CCDC141: variants seen among roughly 807,000 people sequenced by gnomAD.
The protein encoded by CCDC141 is coiled-coil domain-containing protein 141.
A neutral mutation model predicts 181.0 loss-of-function variants in CCDC141; 168 were observed. The observed-to-expected ratio is 0.93, with a 90% CI of 0.82 to 1.05. The LOEUF (loss-of-function observed/expected upper bound fraction) is 1.05, where lower values mean the gene tolerates loss of function less well. CCDC141 is among the 50% of genes least tolerant of loss of function. The probability of loss-of-function intolerance (pLI) is 0.00; values close to 1 mark genes in which losing one functional copy is unlikely to be tolerated. For missense variants in CCDC141, 1,902 were observed against 1,788.5 expected (o/e 1.06, Z -1.14); for synonymous variants, 666 against 642.3 (o/e 1.04, Z -0.56).
chr2:179,047,239 TA>T, intron 2 of CCDC141, 44 bp downstream of exon 2: 1 of 1,474,124 alleles, frequency 6.8e-7, no homozygotes, highest in South Asian at 1.4e-5. Context: ...AATAGTTTTT[TA>T]TGTCTCTTTA....
In CCDC141 at chr2:178,937,119, A is replaced by T. The variant is rs116974035; in HGVS notation, c.897+7416T>A. ...CCTGATTGTGCTGGCTAGGATTTCC[A>T]ATACTATGTTGAATAAGAGTGGTGA... On this transcript the variant is annotated intron_variant, in intron 6 of 23. Coordinates refer to ENST00000443758, the MANE Select transcript of CCDC141 (RefSeq NM_173648.4). Among the ~76,000 whole-genome samples, 284 of 152,252 alleles carry T rather than the reference A, an allele frequency of 1.9e-3. 8 individuals carry two copies. The East Asian group carries it at 0.045, about 24-fold the overall frequency.
At chr2:178,988,908 A>G (rs1038226501) in intron 2 of CCDC141, among the ~76,000 whole-genome samples, 21 of 152,174 alleles carry the variant, frequency 1.4e-4, no homozygotes, top group African/African-American at 5.1e-4. Flanking sequence ...TTAGGAAAGA[A>G]TAGTCTCAAA....
At chr2:179,026,806 C>T (rs2154386376) in intron 2 of CCDC141, among the ~76,000 whole-genome samples, 1 of 152,350 alleles carries the variant, frequency 6.6e-6, no homozygotes, top group East Asian at 1.9e-4. Flanking sequence ...TGGGAACCCA[C>T]CTTTTGCATC....
chr2:178,879,944 C>T (rs757757403), intron 11 of CCDC141, among the ~76,000 whole-genome samples: 5 of 148,608 alleles, frequency 3.4e-5, no homozygotes, highest in Non-Finnish European at 6.0e-5. Context: ...GAGGGATATT[C>T]GTGCTGGGAT....
chr2:178,919,011 G>A (rs1424041956), intron 6 of CCDC141, 104 bp from the exon 7 acceptor site: 3 of 1,052,604 alleles, frequency 2.9e-6, no homozygotes, highest in Admixed American at 5.2e-5. Flanking sequence ...CCAAGGTGAT[G>A]ATATTAGGAA....
chr2:178,963,063 G>C (rs1018537138), intron 4 of CCDC141, among the ~76,000 whole-genome samples: 2 of 152,202 alleles, frequency 1.3e-5, no homozygotes, highest in Non-Finnish European at 2.9e-5. Context: ...ACTGCACCCA[G>C]CACTTAGCAC....
intron 2 of CCDC141, among the ~76,000 whole-genome samples, chr2:179,033,020 T>G (rs1319363755): frequency 6.8e-6 from 1 of 147,518 alleles, no homozygotes; most frequent in Non-Finnish European, 1.5e-5. Flanking sequence ...ATATATAATA[T>G]TATATATATT....
chr2:178,935,997 G>A (rs911581353), intron 6 of CCDC141, among the ~76,000 whole-genome samples: 1 of 151,678 alleles, frequency 6.6e-6, no homozygotes, highest in African/African-American at 2.4e-5. Flanking sequence ...TGGCTATTAG[G>A]CCTTTGTCAG....
chr2:179,045,249 G>C (rs2043455389), intron 2 of CCDC141, among the ~76,000 whole-genome samples: 1 of 145,102 alleles, frequency 6.9e-6, no homozygotes, highest in African/African-American at 2.6e-5. Flanking sequence ...ACCTATGAGT[G>C]AGAATATGTG....
At chr2:178,879,538 T>TA (rs1265891361) in intron 11 of CCDC141, among the ~76,000 whole-genome samples, 6 of 152,300 alleles carry the variant, frequency 3.9e-5, no homozygotes, top group Non-Finnish European at 7.3e-5. Flanking sequence ...CATGAGCAGT[T>TA]AAAATGCTAC....
intron 1 of CCDC141, among the ~76,000 whole-genome samples, chr2:179,048,852 C>A (rs548645016): frequency 1.8e-4 from 27 of 152,220 alleles, no homozygotes; most frequent in African/African-American, 6.5e-4. Flanking sequence ...TGCTCTTTTC[C>A]TGGTATGAAT....
chr2:179,036,841 A>G (rs2043158763), intron 2 of CCDC141, among the ~76,000 whole-genome samples: 1 of 152,228 alleles, frequency 6.6e-6, no homozygotes, highest in Non-Finnish European at 1.5e-5. Flanking sequence ...TACGTGTTTG[A>G]ATTTGGAAGG....
chr2:178,956,424 G>T (rs1321410777), intron 5 of CCDC141, among the ~76,000 whole-genome samples: 1 of 152,154 alleles, frequency 6.6e-6, no homozygotes, highest in Non-Finnish European at 1.5e-5. Context: ...AGCCTCCCAA[G>T]TATCTGGGAC....
chr2:178,912,827 T>C (rs77653536), intron 7 of CCDC141, among the ~76,000 whole-genome samples: 1,718 of 152,260 alleles, frequency 0.011, 38 homozygotes, highest in African/African-American at 0.039. Flanking sequence ...TCCTGGCGAA[T>C]TGAATTATCT....
At chr2:178,986,798 C>T (rs1322748335) in intron 2 of CCDC141, among the ~76,000 whole-genome samples, 3 of 151,920 alleles carry the variant, frequency 2.0e-5, no homozygotes, top group African/African-American at 4.8e-5. Flanking sequence ...CTACAAACCG[C>T]TGCTCAAGGA....
At chr2:178,894,558 CAA>C (rs1043816455) in intron 8 of CCDC141, among the ~76,000 whole-genome samples, 2 of 150,848 alleles carry the variant, frequency 1.3e-5, no homozygotes, top group Admixed American at 6.6e-5. Flanking sequence ...AACTTTGAAA[CAA>C]AAAGTCAGAA....
At chr2:178,943,534 T>C (rs145627922) in intron 6 of CCDC141, among the ~76,000 whole-genome samples, 3 of 152,310 alleles carry the variant, frequency 2.0e-5, no homozygotes, top group Admixed American at 6.5e-5. Flanking sequence ...TTGACTTGTC[T>C]AGCCTGTATT....
chr2:178,862,418 T>C (rs1026437931), intron 17 of CCDC141, among the ~76,000 whole-genome samples: 1 of 152,206 alleles, frequency 6.6e-6, no homozygotes, highest in South Asian at 2.1e-4. Flanking sequence ...AAAGGTACTG[T>C]TTTTGGTCAG....
intron 2 of CCDC141, among the ~76,000 whole-genome samples, chr2:178,981,683 TAG>T (rs67399348): frequency 1.7e-5 from 2 of 119,588 alleles, no homozygotes; most frequent in African/African-American, 6.3e-5. Flanking sequence ...TATATATATA[TAG>T]AGAGAGAGAG....
Sources: gnomAD v4.1 joint callset for allele counts (sites outside exome capture counted in the v4.1 genomes callset) on GRCh38, gnomAD v4.1.1 for gene constraint, MANE v1.5 for transcripts, NCBI Gene and HGNC (gene_info 2026-07-23, HGNC 2026-07-21) for gene names.